The following DOCK5 variants were observed in gnomAD, a reference collection of about 807,000 sequenced individuals.
DOCK5 encodes the protein dedicator of cytokinesis protein 5.
Under a neutral mutation model 251.8 loss-of-function variants are expected in DOCK5, and 142 were observed. The ratio of observed to expected loss-of-function variants is 0.56; its 90% confidence interval spans 0.49 to 0.65. The LOEUF (loss-of-function observed/expected upper bound fraction) is 0.65, where lower values mean the gene tolerates loss of function less well. DOCK5 is among the 30% of genes least tolerant of loss of function. The pLI is 0.00. For synonymous variants in DOCK5, 842 were observed against 835.5 expected (o/e 1.01, Z -0.13); for missense variants, 2,111 against 2,312.3 (o/e 0.91, Z 1.79).
chr8:25,208,806 T>C (rs547007571), intron 1 of DOCK5, among the ~76,000 whole-genome samples: 3 of 152,320 alleles, frequency 2.0e-5, no homozygotes, highest in African/African-American at 7.2e-5. Context: ...TTCTTAAGAA[T>C]AGAGGACAAA....
chr8:25,288,133 G>C (rs1804389259), intron 5 of DOCK5, among the ~76,000 whole-genome samples: 1 of 152,090 alleles, frequency 6.6e-6, no homozygotes, highest in South Asian at 2.1e-4. Flanking sequence ...TGATCCACCT[G>C]CCTCGGCCTC....
At chr8:25,388,336 T>C (rs1382404503) in intron 40 of DOCK5, among the ~76,000 whole-genome samples, 1 of 152,168 alleles carries the variant, frequency 6.6e-6, no homozygotes, top group Non-Finnish European at 1.5e-5. Context: ...ATGTGTGGGC[T>C]ACCAATGGAA....
At chr8:25,280,014 C>G (rs1402827298) in intron 5 of DOCK5, among the ~76,000 whole-genome samples, 1 of 152,208 alleles carries the variant, frequency 6.6e-6, no homozygotes, top group Non-Finnish European at 1.5e-5. Context: ...ATCCAACTGT[C>G]TTGGCCTCCC....
intron 28 of DOCK5, among the ~76,000 whole-genome samples, chr8:25,360,746 T>G (rs1800662991): frequency 6.6e-6 from 1 of 152,168 alleles, no homozygotes; most frequent in Non-Finnish European, 1.5e-5. Flanking sequence ...GTATTATTAT[T>G]GCTATATAAA....
chr8:25,302,677 TA>T (rs1385084536), intron 10 of DOCK5, among the ~76,000 whole-genome samples: 2 of 152,188 alleles, frequency 1.3e-5, no homozygotes, highest in Non-Finnish European at 2.9e-5. Flanking sequence ...CATCAGTGCA[TA>T]AATGGACTAA....
At chr8:25,378,208 G>A (rs140152722) in intron 38 of DOCK5, among the ~76,000 whole-genome samples, 80 of 152,268 alleles carry the variant, frequency 5.3e-4, no homozygotes, top group Admixed American at 5.0e-3. Context: ...CCCATCCTGA[G>A]ACTAGGAGAC....
chr8:25,306,198 A>G (rs1804919536), intron 11 of DOCK5, among the ~76,000 whole-genome samples: 1 of 152,140 alleles, frequency 6.6e-6, no homozygotes, highest in South Asian at 2.1e-4. Flanking sequence ...TTAAAAAATA[A>G]AATGCACTTA....
intron 1 of DOCK5, among the ~76,000 whole-genome samples, chr8:25,191,729 A>G (rs369247052): frequency 6.6e-6 from 1 of 151,932 alleles, no homozygotes; most frequent in East Asian, 1.9e-4. Flanking sequence ...ATCCATGGCC[A>G]TATAATCTCA....
chr8:25,366,894 G>A lies in DOCK5; in HGVS notation c.3148G>A (p.Ala1050Thr), dbSNP rs993030400. The change falls in exon 31 of 52, where the codon GCA (alanine) becomes ACA (threonine). Residue 1050 changes from alanine to threonine, a missense_variant. Coordinates refer to ENST00000276440, the MANE Select transcript of DOCK5 (RefSeq NM_024940.8). The part of the protein sequence containing the change: ...LQLWNNYFHL[A>T]VAFLTHESLQ... ...GCTCTGGAACAATTACTTCCATTTG[G>A]CAGTTGCATTTCTCACCCATGAGTC... 14 of 1,613,368 alleles carry A rather than the reference G, an allele frequency of 8.7e-6. No homozygotes were observed. The African/African-American group carries it at 1.2e-4, about 14-fold the overall frequency.
intron 5 of DOCK5, among the ~76,000 whole-genome samples, chr8:25,282,310 T>C (rs1272392012): frequency 6.6e-6 from 1 of 152,146 alleles, no homozygotes; most frequent in Non-Finnish European, 1.5e-5. Context: ...CTGAAACGTT[T>C]CTGTATCAAA....
chr8:25,322,261 G>A (rs767201328), intron 16 of DOCK5, among the ~76,000 whole-genome samples: 17 of 152,210 alleles, frequency 1.1e-4, no homozygotes, highest in Non-Finnish European at 1.6e-4. Flanking sequence ...GGTTATGTAC[G>A]GAATAGTATG....
At chr8:25,199,380 CTTT>C (rs564264937) in intron 1 of DOCK5, among the ~76,000 whole-genome samples, 3 of 117,892 alleles carry the variant, frequency 2.5e-5, no homozygotes, top group Non-Finnish European at 3.3e-5. Context: ...CCGCTCTGTT[CTTT>C]TTTTTTTTTT....
rs1247531380 is a variant in DOCK5 at position 25,408,123 on chromosome 8, T to C, written c.5234T>C (p.Ile1745Thr). ...KDWSLSKSQV[I>T]AEKAPEPDLM... ...TGGAGTCTGAGCAAGTCCCAGGTCA[T>C]TGCAGAGAAAGCACCAGAACCCGAT... The change falls in exon 49 of 52, where the codon ATT becomes ACT. Residue 1745 changes from isoleucine to threonine, a missense_variant. Transcript: ENST00000276440. The C allele has an allele frequency of 1.9e-6, 3 of 1,597,036 alleles. No individual in the cohort carries two copies. Among genetic ancestry groups the C allele is most frequent in the Non-Finnish European group, 2.6e-6 (3 of 1,171,776 alleles).
chr8:25,272,636 C>T (rs995598862), intron 3 of DOCK5, among the ~76,000 whole-genome samples: 2 of 152,224 alleles, frequency 1.3e-5, no homozygotes, highest in African/African-American at 2.4e-5. Flanking sequence ...TTATCCGTGC[C>T]CAGCGCCTCC....
intron 39 of DOCK5, among the ~76,000 whole-genome samples, chr8:25,381,365 C>T (rs949445626): frequency 6.6e-6 from 1 of 152,116 alleles, no homozygotes; most frequent in Non-Finnish European, 1.5e-5. Flanking sequence ...TGGCTCATAC[C>T]TGTAATCTCA....
chr8:25,241,733 C>T (rs1162694906), intron 1 of DOCK5, among the ~76,000 whole-genome samples: 1 of 152,250 alleles, frequency 6.6e-6, no homozygotes, highest in East Asian at 1.9e-4. Context: ...TTCACAATAG[C>T]AGAGACTTGG....
chr8:25,304,076 A>G (rs1043291636), intron 10 of DOCK5, among the ~76,000 whole-genome samples, 179 bp from the exon 11 acceptor site: 6 of 152,344 alleles, frequency 3.9e-5, no homozygotes, highest in African/African-American at 1.4e-4. Flanking sequence ...CTCATGAGTC[A>G]CTTTTTTGCT....
At chr8:25,265,515 A>G (rs936886291) in intron 2 of DOCK5, among the ~76,000 whole-genome samples, 1 of 151,854 alleles carries the variant, frequency 6.6e-6, no homozygotes, top group Non-Finnish European at 1.5e-5. Flanking sequence ...TGGTCACCGT[A>G]TCTAAAATAA....
chr8:25,395,459 T>C lies in DOCK5; in HGVS notation c.4528-84T>C, dbSNP rs557471806. ...CTATAGCTTGTGGGCATTTTATACCTCTTCAAGGGAAGAGTTAAACTTTTT... is the reference window on the plus strand; with the variant it reads ...CTATAGCTTGTGGGCATTTTATACCCCTTCAAGGGAAGAGTTAAACTTTTT... On this transcript the variant is annotated intron_variant, in intron 44 of 51. Coordinates refer to ENST00000276440, the MANE Select transcript of DOCK5 (RefSeq NM_024940.8). The C allele has an allele frequency of 9.7e-6, 14 of 1,438,142 alleles. No individual in the cohort carries two copies. The East Asian group carries it at 3.2e-4, about 33-fold the overall frequency. 89.1% of individuals were successfully genotyped at this position (1,438,142 alleles called of 1,614,324 possible).
Sources: allele counts gnomAD v4.1 joint callset (sites outside exome capture counted in the v4.1 genomes callset), GRCh38; gene constraint gnomAD v4.1.1; transcripts MANE v1.5; gene names NCBI Gene and HGNC (gene_info 2026-07-23, HGNC 2026-07-21).